Variants in CD27 observed in about 807,000 individuals in gnomAD.
CD27 encodes CD27 antigen.
Under a neutral mutation model 25.9 loss-of-function variants are expected in CD27, and 16 were observed. The ratio of observed to expected loss-of-function variants is 0.62; its 90% confidence interval spans 0.42 to 0.94. The LOEUF is 0.94. CD27 is among the 40% of genes least tolerant of loss of function. The pLI is 0.00. For synonymous variants in CD27, 142 were observed against 124.3 expected (o/e 1.14, Z -0.95); for missense variants, 300 against 333.2 (o/e 0.90, Z 0.78).
At position 6,445,702 on chromosome 12, in the gene CD27, G is replaced by C. The variant is rs929567548; in HGVS notation, c.268+147G>C. ...TCACAGCAAGTGGAGCCAATGCTGG[G>C]AAATGCGGCACCCTAGGTGGGGCAT... On this transcript the variant is annotated intron_variant, in intron 2 of 5. Coordinates refer to ENST00000266557, the MANE Select transcript of CD27 (RefSeq NM_001242.5). The surrounding 1 kb of genome is among the most constrained non-coding windows in gnomAD (Gnocchi z 4.5). 3 of 1,022,448 alleles carry C rather than the reference G, an allele frequency of 2.9e-6. No homozygotes were observed. In the East Asian group the frequency reaches 7.9e-5, roughly 27 times the overall value. The allele number at this position is 1,022,448 out of a possible 1,614,324, so 63.3% of individuals were successfully genotyped here.
chr12:6,444,677 C>T (rs572990162), upstream of CD27, among the ~76,000 whole-genome samples: 65 of 103,574 alleles, frequency 6.3e-4, 1 homozygote, highest in African/African-American at 2.5e-3. Context: ...GGGGGGGTAA[C>T]GTGGGCACCT....
chr12:6,450,833 T>C lies in CD27; in HGVS notation c.539-62T>C. On this transcript the variant is annotated intron_variant, in intron 4 of 5. Transcript: ENST00000266557. This position sits in a 1 kb window ranked among gnomAD's most constrained non-coding sequence, Gnocchi z 4.1. ...GGGAGAGGCAAGGTGACAGGAGGGC[T>C]GGGCTGAGGGAGCCAAGGGCTAGAC... 6.2e-7 allele frequency: 1 copy of C among 1,607,574 alleles called. No homozygotes were observed. Among genetic ancestry groups the C allele is most frequent in the East Asian group, 2.2e-5 (1 of 44,814 alleles).
intron 5 of CD27, 72 bp from the exon 6 acceptor site, chr12:6,451,196 T>G: frequency 6.3e-7 from 1 of 1,583,216 alleles, no homozygotes; most frequent in Non-Finnish European, 8.6e-7. Context: ...CGCACCCGCC[T>G]CTACCCATCT....
Position 6,450,279 on chromosome 12 carries a change from C to T in CD27, c.375C>T (p.Asn125=). Residue 125 remains asparagine, a synonymous_variant, in exon 3 of 6, where the codon AAC becomes AAT. Coordinates refer to ENST00000266557, the MANE Select transcript of CD27 (RefSeq NM_001242.5). The surrounding 1 kb of genome is among the most constrained non-coding windows in gnomAD (Gnocchi z 4.1). ...KECTECDPLP[N]PSLTARSSQA... Reference sequence around the variant, plus strand: ...GCACCGAGTGTGATCCTCTTCCAAACCCTTCGCTGACCGCTCGGTCGTCTC... The same window carrying T: ...GCACCGAGTGTGATCCTCTTCCAAATCCTTCGCTGACCGCTCGGTCGTCTC... 2 of 1,613,966 alleles carry T rather than the reference C, an allele frequency of 1.2e-6. No individual in the cohort carries two copies. Among genetic ancestry groups the T allele is most frequent in the East Asian group, 4.5e-5 (2 of 44,888 alleles).
chr12:6,451,322 G>A lies in CD27; in HGVS notation c.713G>A (p.Arg238Lys), dbSNP rs75524088. Residue 238 changes from arginine (R) to lysine (K), a missense_variant, in exon 6 of 6, where the codon AGG becomes AAG. Physicochemically the swap from Arg to Lys is conservative, Grantham distance 26. Transcript: ENST00000266557. ...PAEPCHYSCP[R>K]EEEGSTIPIQ... Reference sequence around the variant, plus strand: ...GAGCCTTGTCATTACAGCTGCCCCAGGGAGGAGGAGGGCAGCACCATCCCC... The same window carrying A: ...GAGCCTTGTCATTACAGCTGCCCCAAGGAGGAGGAGGGCAGCACCATCCCC... 1.1e-4 allele frequency: 173 copies of A among 1,613,558 alleles called. 2 individuals carry two copies. The East Asian group carries it at 2.6e-3, about 24-fold the overall frequency.
At chr12:6,444,531 T>A (rs1034541303), upstream of CD27, among the ~76,000 whole-genome samples, 1 of 151,986 alleles carries the variant, frequency 6.6e-6, no homozygotes, top group Non-Finnish European at 1.5e-5. Context: ...AAGTTTCAGA[T>A]AAGAGCTTGT....
In CD27 at chr12:6,451,246, C is replaced by G. The variant is rs777413374; in HGVS notation, c.659-22C>G. The G allele has an allele frequency of 1.6e-5, 25 of 1,612,620 alleles. No individual in the cohort carries two copies. The South Asian group carries it at 2.7e-4, about 18-fold the overall frequency. On this transcript the variant is annotated intron_variant, in intron 5 of 5. Coordinates refer to ENST00000266557, the MANE Select transcript of CD27 (RefSeq NM_001242.5). ...CCCCTGCCCCCACTGCTGGCCAAGA[C>G]TCATCGGATCTCCTTCTGCAGACAA...
rs71584832 is a variant in CD27, at chr12:6,450,490, T to G, written c.449-51T>G. On this transcript the variant is annotated intron_variant, in intron 3 of 5. Coordinates refer to ENST00000266557, the MANE Select transcript of CD27 (RefSeq NM_001242.5). The surrounding 1 kb of genome is among the most constrained non-coding windows in gnomAD (Gnocchi z 4.1). ...ATCCAGCACCTCTCAGGCCTTCAGA[T>G]GTGCCCTATGGGGTCCCCTGCTGCT... is the stretch of plus-strand genomic sequence containing the variant. 2,917 of 1,574,542 alleles carry G rather than the reference T, an allele frequency of 1.9e-3. 46 individuals are homozygous for G. The African/African-American group carries it at 0.028, about 15-fold the overall frequency.
At chr12:6,446,533 G>C (rs1256106698) in intron 2 of CD27, among the ~76,000 whole-genome samples, 1 of 152,244 alleles carries the variant, frequency 6.6e-6, no homozygotes, top group Non-Finnish European at 1.5e-5. Flanking sequence ...CAGCACTTGG[G>C]AGGCCAAGGC....
At position 6,450,954 on chromosome 12, in the gene CD27, T is replaced by C; in HGVS notation, c.598T>C (p.Phe200Leu). The change falls in exon 5 of 6, where the codon TTC becomes CTC. Residue 200 changes from phenylalanine to leucine, a missense_variant. Phe to Leu is a conservative substitution (Grantham distance 22). Coordinates refer to ENST00000266557, the MANE Select transcript of CD27 (RefSeq NM_001242.5). This position sits in a 1 kb window ranked among gnomAD's most constrained non-coding sequence, Gnocchi z 4.1. ...CATCCTTGTGATCTTCTCTGGAATGTTCCTTGTTTTCACCCTGGCCGGGGC... is the reference window on the plus strand; with the variant it reads ...CATCCTTGTGATCTTCTCTGGAATGCTCCTTGTTTTCACCCTGGCCGGGGC... ...IRILVIFSGM[F>L]LVFTLAGALF... is the part of the protein sequence containing the mutation. 2 of 1,614,124 alleles carry C rather than the reference T, an allele frequency of 1.2e-6. No homozygotes were observed. The highest frequency in any genetic ancestry group is 1.7e-6 in the Non-Finnish European group (2 of 1,179,982).
At chr12:6,449,885 G>A (rs1949488781) in intron 2 of CD27, among the ~76,000 whole-genome samples, 1 of 152,062 alleles carries the variant, frequency 6.6e-6, no homozygotes, top group Admixed American at 6.6e-5. Flanking sequence ...ATGTATCAGG[G>A]AGTACAAGAG....
chr12:6,449,315 C>CTTTTTTTTTTTT, intron 2 of CD27, among the ~76,000 whole-genome samples: 1 of 123,728 alleles, frequency 8.1e-6, no homozygotes. Flanking sequence ...TCTTTCTTTT[C>CTTTTTTTTTTTT]TTTTTTTTTT....
At chr12:6,444,925 A>G (rs1949390643), upstream of CD27, 1 of 676,302 alleles carries the variant, frequency 1.5e-6, no homozygotes, top group East Asian at 3.0e-5. Flanking sequence ...ATGAGAGAGA[A>G]AAAAAAAACA....
At position 6,445,439 on chromosome 12, in the gene CD27, AG is replaced by A. The variant is rs781593353; in HGVS notation, c.154del (p.Asp52ThrfsTer77). 6 of 1,614,070 alleles carry A rather than the reference AG, an allele frequency of 3.7e-6. No homozygotes were observed. Among genetic ancestry groups the A allele is most frequent in the Non-Finnish European group, 5.1e-6 (6 of 1,180,038 alleles). On this transcript the variant is annotated frameshift_variant, in exon 2 of 6. Transcript: ENST00000266557. LOFTEE classifies it high-confidence loss of function. This position sits in a 1 kb window ranked among gnomAD's most constrained non-coding sequence, Gnocchi z 4.5. Reference protein sequence around the residue: ...QMCEPGTFLVKDCDQHRKAAQ... With the variant: ...QMCEPGTFLVXDCDQHRKAAQ... ...CTCCTCCCAGGAACATTCCTCGTGA[AG>A]GACTGTGACCAGCATAGAAAGGCTG... is the stretch of plus-strand genomic sequence containing the variant.
Position 6,445,440 on chromosome 12 carries a change from G to C in CD27, c.153G>C (p.Lys51Asn). 6.2e-7 allele frequency: 1 copy of C among 1,614,180 alleles called. No homozygotes were observed. Among genetic ancestry groups the C allele is most frequent in the Non-Finnish European group, 8.5e-7 (1 of 1,180,022 alleles). Reference sequence around the variant, plus strand: ...TCCTCCCAGGAACATTCCTCGTGAAGGACTGTGACCAGCATAGAAAGGCTG... The same window carrying C: ...TCCTCCCAGGAACATTCCTCGTGAACGACTGTGACCAGCATAGAAAGGCTG... The part of the protein sequence containing the change: ...QMCEPGTFLV[K>N]DCDQHRKAAQ... Residue 51 changes from lysine to asparagine, a missense_variant, in exon 2 of 6, where the codon AAG becomes AAC. Transcript: ENST00000266557. This position sits in a 1 kb window ranked among gnomAD's most constrained non-coding sequence, Gnocchi z 4.5.
Position 6,451,587 on chromosome 12 carries a change from G to C in CD27, c.*195G>C. The C allele has an allele frequency of 1.7e-6, 1 of 579,208 alleles. No individual in the cohort carries two copies. The highest frequency in any genetic ancestry group is 2.9e-6 in the Non-Finnish European group (1 of 342,212). 35.9% of individuals were successfully genotyped at this position (579,208 alleles called of 1,614,324 possible). On this transcript the variant is annotated 3_prime_UTR_variant, in exon 6 of 6. Transcript: ENST00000266557. ...CAAATATGGATGAGGTGGAGAGTGG[G>C]AAGCAGGAGCCCAGCCAGCTGCGCC...
intron 2 of CD27, chr12:6,446,947 G>C (rs916570434): frequency 6.6e-6 from 1 of 151,994 alleles, no homozygotes; most frequent in African/African-American, 2.4e-5. Flanking sequence ...TTAGCCAGGC[G>C]TGGTGGCACG....
At position 6,445,590 on chromosome 12, in the gene CD27, G is replaced by T; in HGVS notation, c.268+35G>T. On this transcript the variant is annotated intron_variant, in intron 2 of 5. Coordinates refer to ENST00000266557, the MANE Select transcript of CD27 (RefSeq NM_001242.5). The surrounding 1 kb of genome is among the most constrained non-coding windows in gnomAD (Gnocchi z 4.5). ...GCAAGGGTGTGTAGGTGGGGACGATGGACAAGCATCTGGGGGAGCAAGGCT... is the reference window on the plus strand; with the variant it reads ...GCAAGGGTGTGTAGGTGGGGACGATTGACAAGCATCTGGGGGAGCAAGGCT... The T allele has an allele frequency of 1.2e-6, 2 of 1,607,308 alleles. No individual in the cohort carries two copies. The highest frequency in any genetic ancestry group is 1.1e-5 in the South Asian group (1 of 90,704).
intron 2 of CD27, among the ~76,000 whole-genome samples, chr12:6,446,776 TCA>T (rs35670100): frequency 0.045 from 6,698 of 148,414 alleles, 262 homozygotes; most frequent in East Asian, 0.12. Flanking sequence ...AAACCCTTTT[TCA>T]CACACACACA....
Sources: allele counts gnomAD v4.1 joint callset (sites outside exome capture counted in the v4.1 genomes callset), GRCh38; gene constraint gnomAD v4.1.1; non-coding constraint Gnocchi (gnomAD v3.1); transcripts MANE v1.5; gene names NCBI Gene and HGNC (gene_info 2026-07-23, HGNC 2026-07-21).